The following PIK3R3 variants were observed in gnomAD, a reference collection of about 807,000 sequenced individuals.
PIK3R3 encodes phosphatidylinositol 3-kinase regulatory subunit gamma.
A neutral mutation model predicts 62.9 loss-of-function variants in PIK3R3; 64 were observed. That is an observed-to-expected ratio of 1.02 (90% confidence interval 0.83 to 1.25). The LOEUF is 1.25. PIK3R3 is among the 50% of genes most tolerant of loss of function. The pLI, the probability that PIK3R3 is intolerant of heterozygous loss-of-function variation, is 0.00. For missense variants in PIK3R3, 614 were observed against 561.6 expected, an observed-to-expected ratio of 1.09 and a Z score of -0.94; for synonymous variants, 165 against 189.0, an observed-to-expected ratio of 0.87 and a Z score of 1.04.
chr1:46,046,912 CACAT>C, intron 7 of PIK3R3: 1 of 482,010 alleles, frequency 2.1e-6, no homozygotes, highest in Non-Finnish European at 3.7e-6. Context: ...CACAAGCACA[CACAT>C]ACTCGCACTC....
At chr1:46,083,295 T>C (rs1259153535) in intron 1 of PIK3R3, among the ~76,000 whole-genome samples, 1 of 152,122 alleles carries the variant, frequency 6.6e-6, no homozygotes, top group Non-Finnish European at 1.5e-5. Context: ...AACTATAAAA[T>C]TCTTACAAGA....
At chr1:46,061,460 G>GT (rs1387595540) in intron 6 of PIK3R3, among the ~76,000 whole-genome samples, 4 of 152,166 alleles carry the variant, frequency 2.6e-5, no homozygotes, top group African/African-American at 9.7e-5. Context: ...TGCTGCCAAA[G>GT]TTGATATTCA....
chr1:46,129,381 G>A (rs1024616207), intron 1 of PIK3R3, among the ~76,000 whole-genome samples: 5 of 151,172 alleles, frequency 3.3e-5, no homozygotes, highest in East Asian at 1.9e-4. Context: ...ACTTATATGA[G>A]AGGGTAAGCA....
intron 3 of PIK3R3, among the ~76,000 whole-genome samples, chr1:46,071,761 C>T (rs547099953): frequency 1.8e-5 from 2 of 112,614 alleles, no homozygotes; most frequent in African/African-American, 7.2e-5. Context: ...AGAGAGAGAG[C>T]GCGCGCCTGA....
chr1:46,047,354 C>CTT (rs1310737118), intron 7 of PIK3R3, among the ~76,000 whole-genome samples: 1 of 150,406 alleles, frequency 6.6e-6, no homozygotes, highest in East Asian at 1.9e-4. Context: ...AGGAGAATTG[C>CTT]TTGAAACCAG....
chr1:46,168,126 G>A, the PIK3R3 span, among the ~76,000 whole-genome samples: 2 of 152,120 alleles, frequency 1.3e-5, no homozygotes. Context: ...ACTCCAACCA[G>A]GGCGACAGAG....
the PIK3R3 span, among the ~76,000 whole-genome samples, chr1:46,144,710 G>A: frequency 1.3e-5 from 2 of 149,346 alleles, no homozygotes; most frequent in Non-Finnish European, 3.0e-5. Flanking sequence ...AGAGGTTGCA[G>A]TGAGCCAAGA....
the PIK3R3 span, among the ~76,000 whole-genome samples, chr1:46,163,153 T>C: frequency 3.3e-5 from 5 of 152,238 alleles, no homozygotes; most frequent in African/African-American, 9.6e-5. Context: ...CGACATTTCT[T>C]TTATGTCTTA....
intron 6 of PIK3R3, among the ~76,000 whole-genome samples, chr1:46,060,290 C>T (rs1156568031): frequency 6.6e-6 from 1 of 152,164 alleles, no homozygotes; most frequent in Non-Finnish European, 1.5e-5. Flanking sequence ...CAGTTCAAGG[C>T]CAGCCTGGCC....
intron 4 of PIK3R3, 105 bp downstream of exon 4, chr1:46,066,806 C>A (rs1649033363): frequency 2.2e-6 from 2 of 925,572 alleles, no homozygotes; most frequent in South Asian, 2.9e-5. Context: ...AAATAAATAA[C>A]AAAATGGCTA....
chr1:46,089,603 G>A (rs962017465), intron 1 of PIK3R3, among the ~76,000 whole-genome samples: 12 of 151,432 alleles, frequency 7.9e-5, no homozygotes, highest in African/African-American at 2.2e-4. Context: ...TAGTTCCAGC[G>A]ACTCGGGAGG....
chr1:46,154,887 T>C, the PIK3R3 span, among the ~76,000 whole-genome samples: 2 of 152,226 alleles, frequency 1.3e-5, no homozygotes, highest in African/African-American at 4.8e-5. Context: ...CTCCTCAAAA[T>C]GACCTTCCCT....
At chr1:46,049,513 G>A (rs778293349) in intron 7 of PIK3R3, among the ~76,000 whole-genome samples, 43 of 152,236 alleles carry the variant, frequency 2.8e-4, no homozygotes, top group Non-Finnish European at 5.4e-4. Flanking sequence ...CATCCTGGAT[G>A]GAGAATGAGG....
chr1:46,105,302 C>A, intron 1 of PIK3R3: 1 of 239,408 alleles, frequency 4.2e-6, no homozygotes, highest in Non-Finnish European at 8.0e-6. Flanking sequence ...AAGTTCGAGA[C>A]CAACCTGGCC....
chr1:46,094,031 T>C (rs1287961409), intron 1 of PIK3R3, among the ~76,000 whole-genome samples: 1 of 150,824 alleles, frequency 6.6e-6, no homozygotes, highest in Non-Finnish European at 1.5e-5. Flanking sequence ...ATTGCACCAC[T>C]GCACTCCAGA....
the PIK3R3 span, among the ~76,000 whole-genome samples, chr1:46,152,815 G>A: frequency 1.3e-5 from 2 of 152,020 alleles, no homozygotes; most frequent in African/African-American, 2.4e-5. Flanking sequence ...TGCCCTCCTC[G>A]GCCTCCCCAG....
At chr1:46,122,348 C>T (rs755854890) in intron 1 of PIK3R3, among the ~76,000 whole-genome samples, 1 of 152,086 alleles carries the variant, frequency 6.6e-6, no homozygotes, top group East Asian at 1.9e-4. Flanking sequence ...TTAAAACTAA[C>T]CTAATACACT....
chr1:46,104,708 C>T (rs1653021955), intron 1 of PIK3R3, among the ~76,000 whole-genome samples: 3 of 151,952 alleles, frequency 2.0e-5, no homozygotes, highest in Non-Finnish European at 4.4e-5. Context: ...GCAGGTGGAT[C>T]ATTTGAGGTC....
upstream of PIK3R3, chr1:46,134,437 C>T (rs1191296193): frequency 6.6e-6 from 1 of 152,196 alleles, no homozygotes; most frequent in East Asian, 1.9e-4. Flanking sequence ...CACCAGGATT[C>T]TTATATGCTT....
Sources: allele counts gnomAD v4.1 joint callset (sites outside exome capture counted in the v4.1 genomes callset), GRCh38; gene constraint gnomAD v4.1.1; transcripts MANE v1.5; gene names NCBI Gene and HGNC (gene_info 2026-07-23, HGNC 2026-07-21).